The following FSD1L variants were observed in gnomAD, a reference collection of about 807,000 sequenced individuals.
FSD1L encodes fibronectin type III and SPRY domain containing 1 like, also known as FSD1-like protein.
FSD1L carries 45 observed loss-of-function variants against 71.6 expected under a neutral mutation model. That is an observed-to-expected ratio of 0.63 (90% CI 0.49 to 0.81). The LOEUF (loss-of-function observed/expected upper bound fraction) is 0.81, where lower values mean the gene tolerates loss of function less well. FSD1L is among the 30% of genes least tolerant of loss of function. The pLI is 0.00. For synonymous variants in FSD1L, 197 were observed against 207.2 expected (o/e 0.95, Z 0.42); for missense variants, 561 against 618.1 (o/e 0.91, Z 0.98).
intron 10 of FSD1L, among the ~76,000 whole-genome samples, chr9:105,528,778 A>G (rs963574236): frequency 1.3e-5 from 2 of 152,226 alleles, no homozygotes; most frequent in African/African-American, 4.8e-5. Context: ...AGAATTGACA[A>G]ATGGAATCTA....
At chr9:105,522,687 G>C in intron 10 of FSD1L, 1 of 1,611,876 alleles carries the variant, frequency 6.2e-7, no homozygotes, top group East Asian at 2.2e-5. Context: ...ACGAGCCAAA[G>C]TCAATAAAGA....
chr9:105,464,800 G>A (rs145927936), intron 3 of FSD1L, among the ~76,000 whole-genome samples: 81 of 151,232 alleles, frequency 5.4e-4, no homozygotes, highest in African/African-American at 1.8e-3. Context: ...GCAAGACACC[G>A]TCTCTACCAA....
intron 10 of FSD1L, among the ~76,000 whole-genome samples, chr9:105,519,296 T>C (rs1834955866): frequency 6.6e-6 from 1 of 152,072 alleles, no homozygotes; most frequent in Non-Finnish European, 1.5e-5. Flanking sequence ...CCTCCCTAAC[T>C]CATTTTATCA....
intron 13 of FSD1L, among the ~76,000 whole-genome samples, chr9:105,542,421 T>C (rs1836688065): frequency 6.6e-6 from 1 of 152,176 alleles, no homozygotes; most frequent in African/African-American, 2.4e-5. Context: ...ATTATTTGCT[T>C]ACTTTTTAGG....
chr9:105,543,405 A>C (rs2904847), intron 13 of FSD1L, among the ~76,000 whole-genome samples: 19,058 of 152,168 alleles, frequency 0.13, 1,525 homozygotes, highest in Admixed American at 0.23. Context: ...TGCTCTGTTC[A>C]CAAGCAGTTT....
chr9:105,477,615 T>C (rs1475168844), intron 5 of FSD1L, among the ~76,000 whole-genome samples: 1 of 152,246 alleles, frequency 6.6e-6, no homozygotes, highest in Non-Finnish European at 1.5e-5. Flanking sequence ...ATCCTGGTAG[T>C]ACTTGTTTCA....
At chr9:105,491,421 A>G (rs1832929426) in intron 7 of FSD1L, among the ~76,000 whole-genome samples, 1 of 152,098 alleles carries the variant, frequency 6.6e-6, no homozygotes, top group South Asian at 2.1e-4. Context: ...GGTTTCCTAG[A>G]TATACAATCA....
intron 1 of FSD1L, among the ~76,000 whole-genome samples, chr9:105,458,598 C>T (rs1830498476): frequency 6.6e-6 from 1 of 151,918 alleles, no homozygotes; most frequent in African/African-American, 2.4e-5. Flanking sequence ...GGTCCATGGG[C>T]AGGAGGAAGT....
chr9:105,520,944 G>C, intron 10 of FSD1L: 1 of 1,611,822 alleles, frequency 6.2e-7, no homozygotes, highest in Non-Finnish European at 8.5e-7. Context: ...GAAGAACAAA[G>C]AAAACCAAGA....
intron 1 of FSD1L, among the ~76,000 whole-genome samples, chr9:105,451,313 TCA>T (rs1359610330): frequency 6.6e-6 from 1 of 152,212 alleles, no homozygotes; most frequent in Non-Finnish European, 1.5e-5. Flanking sequence ...AAGAAACGAT[TCA>T]CATGGTGGTT....
At chr9:105,532,384 T>C (rs1366037705) in intron 10 of FSD1L, among the ~76,000 whole-genome samples, 1 of 152,262 alleles carries the variant, frequency 6.6e-6, no homozygotes, top group Admixed American at 6.5e-5. Context: ...ACTTTCTTAC[T>C]ATACTAGTTA....
chr9:105,483,125 G>C (rs930537886), intron 6 of FSD1L, among the ~76,000 whole-genome samples: 1 of 152,122 alleles, frequency 6.6e-6, no homozygotes, highest in African/African-American at 2.4e-5. Flanking sequence ...ATTATACTTG[G>C]CATATAGTAA....
chr9:105,446,136 T>G (rs1396108487), upstream of FSD1L, among the ~76,000 whole-genome samples: 1 of 151,906 alleles, frequency 6.6e-6, no homozygotes, highest in Non-Finnish European at 1.5e-5. Flanking sequence ...GTCAGGGGGA[T>G]CCATGTGGAG....
At chr9:105,465,576 T>G (rs1831003804) in intron 3 of FSD1L, among the ~76,000 whole-genome samples, 1 of 152,202 alleles carries the variant, frequency 6.6e-6, no homozygotes, top group Non-Finnish European at 1.5e-5. Flanking sequence ...GTAGGATTTA[T>G]GCCTGGGATG....
chr9:105,511,148 T>C (rs896528922), intron 9 of FSD1L, among the ~76,000 whole-genome samples: 1 of 152,002 alleles, frequency 6.6e-6, no homozygotes, highest in African/African-American at 2.4e-5. Context: ...GATGCTGCAG[T>C]ATTTAATAAG....
chr9:105,496,682 A>G (rs1041252508), intron 7 of FSD1L, among the ~76,000 whole-genome samples: 1 of 152,166 alleles, frequency 6.6e-6, no homozygotes, highest in Non-Finnish European at 1.5e-5. Context: ...TTAATTTCAA[A>G]TTTCACTTGT....
chr9:105,447,634 C>T (rs983318407), upstream of FSD1L, among the ~76,000 whole-genome samples: 8 of 152,324 alleles, frequency 5.3e-5, no homozygotes, highest in African/African-American at 1.4e-4. Flanking sequence ...CCCTAAAGGT[C>T]TTTTCCCACG....
chr9:105,483,371 A>G (rs755490673), intron 6 of FSD1L, among the ~76,000 whole-genome samples: 1 of 152,148 alleles, frequency 6.6e-6, no homozygotes, highest in Non-Finnish European at 1.5e-5. Flanking sequence ...GGCAGATCCA[A>G]TTGATTTGGC....
chr9:105,523,503 C>A, intron 10 of FSD1L: 1 of 1,612,982 alleles, frequency 6.2e-7, no homozygotes, highest in Non-Finnish European at 8.5e-7. Flanking sequence ...TCCTGAAATA[C>A]ATGCTCAAGT....
Sources: gnomAD v4.1 joint callset for allele counts (sites outside exome capture counted in the v4.1 genomes callset) on GRCh38, gnomAD v4.1.1 for gene constraint, MANE v1.5 for transcripts, NCBI Gene and HGNC (gene_info 2026-07-23, HGNC 2026-07-21) for gene names.